SLC35F3: variants seen among roughly 807,000 people sequenced by gnomAD.
SLC35F3 encodes the protein solute carrier family 35 member F3, also known as putative thiamine transporter SLC35F3.
Under a neutral mutation model 49.9 loss-of-function variants are expected in SLC35F3, and 25 were observed. The observed-to-expected ratio is 0.50, with a 90% CI of 0.37 to 0.70. The LOEUF (loss-of-function observed/expected upper bound fraction) is 0.70. Ranked by LOEUF, SLC35F3 falls within the 30% of genes least tolerant of loss-of-function variation. The pLI, the probability that SLC35F3 is intolerant of heterozygous loss-of-function variation, is 0.00. For missense variants in SLC35F3, 525 were observed against 639.8 expected (o/e 0.82, Z 1.94); for synonymous variants, 275 against 265.4 (o/e 1.04, Z -0.35).
chr1:233,979,015 G>C (rs1360261351), intron 2 of SLC35F3, among the ~76,000 whole-genome samples: 1 of 149,330 alleles, frequency 6.7e-6, no homozygotes, highest in East Asian at 1.9e-4. Context: ...CAGCCTGGAC[G>C]ACAGAGTGAA....
At chr1:234,319,185 C>G (rs193216164) in intron 6 of SLC35F3, among the ~76,000 whole-genome samples, 1 of 152,184 alleles carries the variant, frequency 6.6e-6, no homozygotes, top group Non-Finnish European at 1.5e-5. Flanking sequence ...TGAACTAATA[C>G]CCCAGGGTGT....
At chr1:233,986,822 G>A (rs1663272993) in intron 2 of SLC35F3, among the ~76,000 whole-genome samples, 1 of 152,060 alleles carries the variant, frequency 6.6e-6, no homozygotes, top group African/African-American at 2.4e-5. Context: ...CTGTTCTGCT[G>A]CAACATGGAT....
At chr1:234,268,852 A>G (rs1295742450) in intron 3 of SLC35F3, 2 of 152,264 alleles carry the variant, frequency 1.3e-5, no homozygotes, top group African/African-American at 2.4e-5. Context: ...CAAAAAAACT[A>G]AAGCAAATCA....
chr1:234,032,370 T>A (rs10910330), intron 2 of SLC35F3, among the ~76,000 whole-genome samples: 35,472 of 151,398 alleles, frequency 0.23, 8,427 homozygotes, highest in African/African-American at 0.6. Context: ...TTTTTTCTTT[T>A]AAAAAAAAAT....
intron 2 of SLC35F3, among the ~76,000 whole-genome samples, chr1:234,063,839 A>G (rs968757353): frequency 2.6e-5 from 4 of 152,212 alleles, no homozygotes; most frequent in African/African-American, 9.6e-5. Flanking sequence ...GGGAGCATCC[A>G]CTTTTTGGCA....
intron 3 of SLC35F3, among the ~76,000 whole-genome samples, chr1:234,286,552 C>CA (rs780204499): frequency 6.6e-6 from 1 of 152,212 alleles, no homozygotes; most frequent in Non-Finnish European, 1.5e-5. Flanking sequence ...GATATGACAG[C>CA]ATTGTTCTCT....
At chr1:234,081,799 G>A (rs565374084) in intron 2 of SLC35F3, among the ~76,000 whole-genome samples, 32 of 150,924 alleles carry the variant, frequency 2.1e-4, no homozygotes, top group Middle Eastern at 7.0e-3. Context: ...GTGCAGTGGC[G>A]CGATCTGGGC....
At chr1:234,225,181 C>T (rs1396713944) in intron 2 of SLC35F3, among the ~76,000 whole-genome samples, 1 of 152,182 alleles carries the variant, frequency 6.6e-6, no homozygotes, top group African/African-American at 2.4e-5. Context: ...TGCAAGTCTC[C>T]CCCCCTTTCC....
At chr1:234,315,121 T>C (rs1198481441) in intron 4 of SLC35F3, among the ~76,000 whole-genome samples, 1 of 152,202 alleles carries the variant, frequency 6.6e-6, no homozygotes, top group Non-Finnish European at 1.5e-5. Context: ...TGTGGCTGAC[T>C]ACAAGTGAAT....
intron 2 of SLC35F3, among the ~76,000 whole-genome samples, chr1:234,008,225 A>G (rs993053440): frequency 1.4e-4 from 21 of 152,180 alleles, no homozygotes; most frequent in African/African-American, 2.9e-4. Context: ...GTCAACACCA[A>G]TGGAGGACAC....
At chr1:234,246,393 G>T (rs1184804303) in intron 3 of SLC35F3, among the ~76,000 whole-genome samples, 2 of 152,182 alleles carry the variant, frequency 1.3e-5, no homozygotes, top group African/African-American at 4.8e-5. Context: ...AGCATCTGCT[G>T]TCTCCTTTCT....
intron 2 of SLC35F3, among the ~76,000 whole-genome samples, chr1:234,184,145 A>AAC (rs1666600476): frequency 6.6e-6 from 1 of 151,980 alleles, no homozygotes; most frequent in Non-Finnish European, 1.5e-5. Flanking sequence ...TTTTAAAAAA[A>AAC]AAAAACAAAA....
intron 3 of SLC35F3, among the ~76,000 whole-genome samples, chr1:234,283,528 C>A (rs1668362095): frequency 6.6e-6 from 1 of 152,174 alleles, no homozygotes; most frequent in Admixed American, 6.5e-5. Flanking sequence ...TTGGATTGGT[C>A]CAGTTGTTCC....
At chr1:234,295,068 G>A (rs753343837) in intron 3 of SLC35F3, among the ~76,000 whole-genome samples, 3 of 152,252 alleles carry the variant, frequency 2.0e-5, no homozygotes, top group Non-Finnish European at 4.4e-5. Flanking sequence ...ATTGTCTAGC[G>A]AGGAAGGTTG....
chr1:234,098,491 T>C (rs376769103), intron 2 of SLC35F3, among the ~76,000 whole-genome samples: 21 of 137,502 alleles, frequency 1.5e-4, no homozygotes, highest in African/African-American at 4.9e-4. Context: ...TGACTGTTGG[T>C]GGTGGCAGTT....
chr1:233,958,738 C>T (rs893651798), intron 2 of SLC35F3, among the ~76,000 whole-genome samples: 2 of 152,164 alleles, frequency 1.3e-5, no homozygotes, highest in Admixed American at 1.3e-4. Flanking sequence ...GGACTTAAAT[C>T]CAAGATTACC....
intron 2 of SLC35F3, among the ~76,000 whole-genome samples, chr1:234,000,223 C>T (rs1439290988): frequency 6.6e-6 from 1 of 152,150 alleles, no homozygotes; most frequent in Non-Finnish European, 1.5e-5. Context: ...TGAAAAACAG[C>T]TCCCTATTCC....
chr1:233,943,945 GA>G (rs1218637064), intron 2 of SLC35F3, among the ~76,000 whole-genome samples: 7 of 152,058 alleles, frequency 4.6e-5, no homozygotes, highest in African/African-American at 1.7e-4. Flanking sequence ...GACTTTTGGG[GA>G]AAAAATGGAA....
rs532250180 is a variant in SLC35F3 at position 234,302,529 on chromosome 1, G to A, written c.609-6572G>A. Among the ~76,000 whole-genome samples, 6 of 152,266 alleles carry A rather than the reference G, an allele frequency of 3.9e-5. No homozygotes were observed. In the South Asian group the frequency reaches 8.3e-4, roughly 21 times the overall value. ...TGTGGCTATGAAAAAGGGGAACAGA[G>A]GAAAGGGGCGGGTGAGAGGCTTGTT... On this transcript the variant is annotated intron_variant, in intron 3 of 7. Coordinates refer to ENST00000366618, the MANE Select transcript of SLC35F3 (RefSeq NM_173508.4).
Sources: allele counts gnomAD v4.1 joint callset (sites outside exome capture counted in the v4.1 genomes callset), GRCh38; gene constraint gnomAD v4.1.1; transcripts MANE v1.5; gene names NCBI Gene and HGNC (gene_info 2026-07-23, HGNC 2026-07-21).